NT5C1A: variants seen among roughly 807,000 people sequenced by gnomAD.
The protein encoded by NT5C1A is 5'-nucleotidase, cytosolic IA, also known as cytosolic 5'-nucleotidase 1A.
Under a neutral mutation model 31.0 loss-of-function variants are expected in NT5C1A, and 18 were observed. The ratio of observed to expected loss-of-function variants is 0.58; its 90% CI spans 0.40 to 0.86. The LOEUF is 0.86. NT5C1A is among the 40% of genes least tolerant of loss of function. The pLI is 0.00. For synonymous variants in NT5C1A, 185 were observed against 203.6 expected, an observed-to-expected ratio of 0.91 and a Z score of 0.78; for missense variants, 470 against 505.4, an observed-to-expected ratio of 0.93 and a Z score of 0.67.
chr1:39,663,279 C>T, intron 4 of NT5C1A, 33 bp downstream of exon 4: 1 of 1,613,558 alleles, frequency 6.2e-7, no homozygotes. Flanking sequence ...CTTTGCTGCA[C>T]TCCCCATATT....
At chr1:39,662,120 G>A (rs1488580935) in intron 4 of NT5C1A, among the ~76,000 whole-genome samples, 2 of 152,194 alleles carry the variant, frequency 1.3e-5, no homozygotes, top group Non-Finnish European at 2.9e-5. Context: ...GCAACTGGCC[G>A]AGCTCATTCC....
chr1:39,667,272 G>A (rs527455107), intron 1 of NT5C1A, among the ~76,000 whole-genome samples: 87 of 146,070 alleles, frequency 6.0e-4, no homozygotes, highest in African/African-American at 2.2e-3. Context: ...TGTGATCTCA[G>A]CTCACTGCAA....
chr1:39,670,869 TCCC>T (rs11306359), intron 1 of NT5C1A, among the ~76,000 whole-genome samples: 1 of 150,160 alleles, frequency 6.7e-6, no homozygotes, highest in Non-Finnish European at 1.5e-5. Context: ...ACTACTCTAC[TCCC>T]CCCCCAACTC....
chr1:39,664,490 CCTCCTCTCCT>C (rs1646509715), intron 3 of NT5C1A, among the ~76,000 whole-genome samples: 8 of 2,862 alleles, frequency 2.8e-3, no homozygotes, highest in Admixed American at 9.0e-3. Flanking sequence ...GTGGATTTCT[CCTCCTCTCCT>C]CTCCTCTCCT....
Position 39,659,218 on chromosome 1 carries a change from G to A in NT5C1A, c.1010C>T (p.Ala337Val). 1 of 1,614,122 alleles carries A rather than the reference G, an allele frequency of 6.2e-7. No individual in the cohort carries two copies. The highest frequency in any genetic ancestry group is 1.1e-5 in the South Asian group (1 of 91,088). Residue 337 changes from alanine to valine, a missense_variant, in exon 6 of 6, where the codon GCT becomes GTT. Transcript: ENST00000235628. ...GGCGGCCACAGTGCCCATCTCCTGA[G>A]CCCCAGCCACATGGAACATCTGGTC... ...FDDQMFHVAG[A>V]QEMGTVAAHV... is the part of the protein sequence containing the mutation.
At chr1:39,665,091 C>T (rs1458592442) in intron 3 of NT5C1A, among the ~76,000 whole-genome samples, 1 of 152,184 alleles carries the variant, frequency 6.6e-6, no homozygotes, top group Non-Finnish European at 1.5e-5. Flanking sequence ...AAAGCCCTTT[C>T]ACTCTGACAG....
intron 1 of NT5C1A, among the ~76,000 whole-genome samples, chr1:39,667,374 C>A (rs536735201): frequency 5.3e-5 from 8 of 152,058 alleles, no homozygotes; most frequent in East Asian, 3.9e-4. Flanking sequence ...GCAGCTGGAC[C>A]TTTATAGTCC....
At chr1:39,671,617 G>A (rs1023784135) in intron 1 of NT5C1A, among the ~76,000 whole-genome samples, 1 of 152,180 alleles carries the variant, frequency 6.6e-6, no homozygotes, top group East Asian at 1.9e-4. Context: ...CGCGCTCCCC[G>A]GCGGCCCGAG....
At chr1:39,661,631 G>T (rs961879324) in intron 4 of NT5C1A, among the ~76,000 whole-genome samples, 1 of 152,226 alleles carries the variant, frequency 6.6e-6, no homozygotes, top group Non-Finnish European at 1.5e-5. Context: ...AGATCATGCT[G>T]CTGTGGACCA....
At chr1:39,667,668 G>A (rs2124163188) in intron 1 of NT5C1A, among the ~76,000 whole-genome samples, 1 of 152,276 alleles carries the variant, frequency 6.6e-6, no homozygotes, top group East Asian at 1.9e-4. Context: ...CACCGTGGTG[G>A]ACATGGCAGG....
In NT5C1A at chr1:39,658,339, T is replaced by C. The variant is rs1557743890; in HGVS notation, c.*782A>G. ...GCAGATAGGTCATCTTGTCCAGTGG[T>C]TTCAAAATGTGTAAAATTATAGATA... On this transcript the variant is annotated 3_prime_UTR_variant, in exon 6 of 6. Transcript: ENST00000235628. Among the ~76,000 whole-genome samples, 2 of 152,176 alleles carry C rather than the reference T, an allele frequency of 1.3e-5. No individual in the cohort carries two copies. The highest frequency in any genetic ancestry group is 2.9e-5 in the Non-Finnish European group (2 of 68,026).
chr1:39,666,760 G>A (rs1557747065), intron 1 of NT5C1A, among the ~76,000 whole-genome samples: 1 of 152,158 alleles, frequency 6.6e-6, no homozygotes, highest in Non-Finnish European at 1.5e-5. Context: ...TCCCAAGGCT[G>A]AATTCCCATC....
At chr1:39,671,209 AGAGAGCTCCTCT>A (rs1358289016) in intron 1 of NT5C1A, among the ~76,000 whole-genome samples, 1 of 152,192 alleles carries the variant, frequency 6.6e-6, no homozygotes, top group Non-Finnish European at 1.5e-5. Context: ...GGCAGAGAGG[AGAGAGCTCCTCT>A]GTGAGGTCCC....
rs1380804716 is a variant in NT5C1A, at chr1:39,665,677, T to C, written c.304-27A>G. The C allele has an allele frequency of 5.6e-6, 9 of 1,609,400 alleles. No homozygotes were observed. The South Asian group carries it at 9.9e-5, about 18-fold the overall frequency. ...TGGAAAGGAGAGGGCACCCCCCAGC[T>C]TAGACCCCCAAGGATTGATACCTGA... On this transcript the variant is annotated intron_variant, in intron 2 of 5. Coordinates refer to ENST00000235628, the MANE Select transcript of NT5C1A (RefSeq NM_032526.3).
rs796388288 is a variant in NT5C1A at position 39,670,758 on chromosome 1, T to G, written c.135+1146A>C. On this transcript the variant is annotated intron_variant, in intron 1 of 5. Coordinates refer to ENST00000235628, the MANE Select transcript of NT5C1A (RefSeq NM_032526.3). ...TGAGCTTCAGAGACATCTGCATGACTTTTGCCTGTCCTGTTTCCCTCTCCC... is the reference window on the plus strand; with the variant it reads ...TGAGCTTCAGAGACATCTGCATGACGTTTGCCTGTCCTGTTTCCCTCTCCC... Among the ~76,000 whole-genome samples, 5 of 152,308 alleles carry G rather than the reference T, an allele frequency of 3.3e-5. 1 individual carries two copies. Among genetic ancestry groups the G allele is most frequent in the African/African-American group, 1.2e-4 (5 of 41,562 alleles).
Position 39,652,030 on chromosome 1 carries a change from CAAAAAAAAAAAAAAAAAAA to C in NT5C1A, c.*7072_*7090del, listed in dbSNP as rs61024293. 0.011 allele frequency among the ~76,000 whole-genome samples: 432 copies of C among 37,856 alleles called. 7 individuals are homozygous for C. Among genetic ancestry groups the C allele is most frequent in the African/African-American group, 0.027 (385 of 14,056 alleles). 24.8% of individuals were successfully genotyped at this position (37,856 alleles called of 152,430 possible). A position where few individuals can be genotyped will look rare whatever the true frequency, so the allele number is the denominator to read the frequency against. ...TGAGTGACAGAGCAAGACTCCGTCTCAAAAAAAAAAAAAAAAAAAAAAAAAAAAAAAAAAAAAGAAGTTT... is the reference window on the plus strand; with the variant it reads ...TGAGTGACAGAGCAAGACTCCGTCTCAAAAAAAAAAAAAAAAAAGAAGTTT... On this transcript the variant is annotated 3_prime_UTR_variant, in exon 6 of 6. Coordinates refer to ENST00000235628, the MANE Select transcript of NT5C1A (RefSeq NM_032526.3).
In NT5C1A at chr1:39,671,823, G is replaced by T; in HGVS notation, c.135+81C>A. The T allele has an allele frequency of 2.6e-6, 4 of 1,545,884 alleles. No individual in the cohort carries two copies. In the South Asian group the frequency reaches 3.4e-5, roughly 13 times the overall value. On this transcript the variant is annotated intron_variant, in intron 1 of 5. Coordinates refer to ENST00000235628, the MANE Select transcript of NT5C1A (RefSeq NM_032526.3). ...CGTCCCCTCCCAGAGGGGCGCCACG[G>T]GTCCCTTCCCAAGAGACTTATGACC...
chr1:39,653,162 T>A lies in NT5C1A; in HGVS notation c.*5959A>T, dbSNP rs941487654. Among the ~76,000 whole-genome samples, 1 of 151,494 alleles carries A rather than the reference T, an allele frequency of 6.6e-6. No individual in the cohort carries two copies. The highest frequency in any genetic ancestry group is 1.5e-5 in the Non-Finnish European group (1 of 67,944). On this transcript the variant is annotated 3_prime_UTR_variant, in exon 6 of 6. Coordinates refer to ENST00000235628, the MANE Select transcript of NT5C1A (RefSeq NM_032526.3). Reference sequence around the variant, plus strand: ...CCTTACACAGATTCTACCACTTCCTTCCCAAGGCTCAGGAGTAGGGGTAGG... The same window carrying A: ...CCTTACACAGATTCTACCACTTCCTACCCAAGGCTCAGGAGTAGGGGTAGG...
chr1:39,661,202 C>T lies in NT5C1A; in HGVS notation c.618G>A (p.Leu206=), dbSNP rs752691536. 5.7e-5 allele frequency: 91 copies of T among 1,597,860 alleles called. 1 individual carries two copies. Among genetic ancestry groups the T allele is most frequent in the Admixed American group, 1.7e-5 (1 of 59,906 alleles). Residue 206 remains leucine (L), a synonymous_variant, in exon 5 of 6, where the codon CTG becomes CTA. Transcript: ENST00000235628. ...CGGCGTCCCCATCGAAGGCCACGCG[C>T]AGCTGACTCTGGGACACAACCACAT... ...SRDVVVSQSQ[L]RVAFDGDAVL... is the part of the protein sequence containing the mutation.
Sources: allele counts gnomAD v4.1 joint callset (sites outside exome capture counted in the v4.1 genomes callset), GRCh38; gene constraint gnomAD v4.1.1; transcripts MANE v1.5; gene names NCBI Gene and HGNC (gene_info 2026-07-23, HGNC 2026-07-21).